The following PLCB4 variants were observed in gnomAD, a reference collection of about 807,000 sequenced individuals.
PLCB4 encodes the protein 1-phosphatidylinositol 4,5-bisphosphate phosphodiesterase beta-4.
In PLCB4, 77 loss-of-function variants were observed where a neutral mutation model predicts 178.8. That is an observed-to-expected ratio of 0.43 (90% CI 0.36 to 0.52). The LOEUF is 0.52. Among genes scored for constraint, PLCB4 ranks in the 20% least tolerant of loss-of-function variants. The probability of loss-of-function intolerance (pLI) is 0.00; values close to 1 mark genes in which losing one functional copy is unlikely to be tolerated. For synonymous variants in PLCB4, 496 were observed against 490.8 expected, an observed-to-expected ratio of 1.01 and a Z score of -0.14; for missense variants, 1,024 against 1,453.4, an observed-to-expected ratio of 0.70 and a Z score of 4.80.
At chr20:9,463,937 C>CATCT (rs1381951952) in intron 35 of PLCB4, among the ~76,000 whole-genome samples, 1 of 152,170 alleles carries the variant, frequency 6.6e-6, no homozygotes, top group Non-Finnish European at 1.5e-5. Flanking sequence ...ACCTAATAGA[C>CATCT]ATCTACAGGA....
At chr20:9,124,877 A>G (rs2092070224) in intron 2 of PLCB4, among the ~76,000 whole-genome samples, 1 of 152,188 alleles carries the variant, frequency 6.6e-6, no homozygotes, top group South Asian at 2.1e-4. Context: ...GTAATTGACA[A>G]TTGTTTTTAT....
chr20:9,289,029 A>T (rs546676669), intron 3 of PLCB4, among the ~76,000 whole-genome samples: 1 of 152,094 alleles, frequency 6.6e-6, no homozygotes. Flanking sequence ...TAATTTAGTG[A>T]CAGTAGATAT....
At chr20:9,392,355 C>T (rs1245653896) in intron 17 of PLCB4, among the ~76,000 whole-genome samples, 4 of 152,160 alleles carry the variant, frequency 2.6e-5, no homozygotes. Flanking sequence ...GGTTTAAATA[C>T]CCTCTAGAGG....
intron 33 of PLCB4, among the ~76,000 whole-genome samples, chr20:9,455,790 T>G (rs2043020576): frequency 6.6e-6 from 1 of 152,236 alleles, no homozygotes; most frequent in Admixed American, 6.5e-5. Flanking sequence ...GATACTTTCT[T>G]CTGGAAAGCC....
intron 9 of PLCB4, among the ~76,000 whole-genome samples, chr20:9,369,854 G>T (rs148354809): frequency 1.3e-5 from 2 of 152,322 alleles, no homozygotes; most frequent in Non-Finnish European, 2.9e-5. Context: ...ATGAGATGCT[G>T]TTAAAAATCC....
intron 2 of PLCB4, among the ~76,000 whole-genome samples, chr20:9,109,201 G>A (rs920069689): frequency 6.6e-6 from 1 of 152,128 alleles, no homozygotes; most frequent in Admixed American, 6.6e-5. Flanking sequence ...TTATAAAATG[G>A]TGTGGCTATA....
intron 37 of PLCB4, 103 bp downstream of exon 37, chr20:9,472,950 C>A (rs1736322300): frequency 3.0e-6 from 2 of 672,072 alleles, no homozygotes; most frequent in South Asian, 2.0e-5. Context: ...TTTGATTTTT[C>A]TGTACATTAA....
At chr20:9,114,290 C>T (rs2091703905) in intron 2 of PLCB4, among the ~76,000 whole-genome samples, 1 of 151,996 alleles carries the variant, frequency 6.6e-6, no homozygotes, top group South Asian at 2.1e-4. Context: ...TAGGACTGTG[C>T]TTAATAAGGT....
chr20:9,195,133 T>C (rs1038509134), intron 2 of PLCB4, among the ~76,000 whole-genome samples: 1 of 152,202 alleles, frequency 6.6e-6, no homozygotes, highest in African/African-American at 2.4e-5. Context: ...AATGAAAAAC[T>C]GCAGTTTGCA....
In PLCB4 at chr20:9,421,465, G is replaced by A. The variant is rs6118605; in HGVS notation, c.2319+4G>A. On this transcript the variant is annotated splice_donor_region_variant and intron_variant, in intron 27 of 39. Transcript: ENST00000378473. ...AGAGTCATTTGTATTTCGGAAGGTA[G>A]GACATTTTCAGCACGTCAAACTTAC... 1 of 1,610,730 alleles carries A rather than the reference G, an allele frequency of 6.2e-7. No homozygotes were observed. The highest frequency in any genetic ancestry group is 8.5e-7 in the Non-Finnish European group (1 of 1,177,682).
chr20:9,436,469 A>C (rs2041777434), intron 29 of PLCB4, among the ~76,000 whole-genome samples: 1 of 152,164 alleles, frequency 6.6e-6, no homozygotes, highest in Admixed American at 6.5e-5. Context: ...CTTCCACCTC[A>C]GCCTCCTCAG....
intron 2 of PLCB4, among the ~76,000 whole-genome samples, chr20:9,109,935 G>C (rs537842521): frequency 7.9e-4 from 120 of 152,210 alleles, no homozygotes; most frequent in African/African-American, 2.9e-3. Context: ...TCAGTATTGG[G>C]AGTCAAGGGT....
chr20:9,341,065 C>T (rs73095751), intron 7 of PLCB4, among the ~76,000 whole-genome samples: 10,116 of 152,180 alleles, frequency 0.066, 358 homozygotes, highest in Middle Eastern at 0.096. Flanking sequence ...AAAACCAGGT[C>T]TTCTCATGCC....
At position 9,401,440 on chromosome 20, in the gene PLCB4, T is replaced by A. The variant is rs114750912; in HGVS notation, c.1511-50T>A. 4,937 of 1,230,662 alleles carry A rather than the reference T, an allele frequency of 4.0e-3. 161 individuals carry two copies. The African/African-American group carries it at 0.063, about 16-fold the overall frequency. The allele number at this position is 1,230,662 out of a possible 1,614,324, so 76.2% of individuals were successfully genotyped here. A position where few individuals can be genotyped will look rare whatever the true frequency, so the allele number is the denominator to read the frequency against. ...CCCAAGATTGTGAACAAGGTCTGAC[T>A]ACTTGGCAGTGGTTTGGTGTCATGG... On this transcript the variant is annotated intron_variant, in intron 19 of 39. Transcript: ENST00000378473.
chr20:9,475,441 G>A (rs2044478703), intron 38 of PLCB4, among the ~76,000 whole-genome samples: 1 of 152,114 alleles, frequency 6.6e-6, no homozygotes, highest in South Asian at 2.1e-4. Flanking sequence ...GATTGTATTG[G>A]GAGGGTGCTG....
chr20:9,156,819 G>GCATCCCTCCCTCCCTCCCTC (rs1555848809), intron 2 of PLCB4, among the ~76,000 whole-genome samples: 1 of 31,264 alleles, frequency 3.2e-5, no homozygotes, highest in Non-Finnish European at 5.3e-5. Context: ...TTACAGGGTT[G>GCATCCCTCCCTCCCTCCCTC]CCTCCCTCCC....
chr20:9,163,440 T>C (rs759559479), intron 2 of PLCB4, among the ~76,000 whole-genome samples: 4 of 152,142 alleles, frequency 2.6e-5, no homozygotes, highest in African/African-American at 7.2e-5. Flanking sequence ...AAATCCCTAA[T>C]TGGGAACAGA....
At position 9,468,690 on chromosome 20, in the gene PLCB4, C is replaced by T. The variant is rs189305947; in HGVS notation, c.3350+18C>T. On this transcript the variant is annotated intron_variant, in intron 36 of 39. Transcript: ENST00000378473. ...CGGGAAAGGTAAGTCTGAGAGTGTTCACTGCAGGAATATGGCATTGACTTG... is the reference window on the plus strand; with the variant it reads ...CGGGAAAGGTAAGTCTGAGAGTGTTTACTGCAGGAATATGGCATTGACTTG... 4 of 1,375,244 alleles carry T rather than the reference C, an allele frequency of 2.9e-6. No individual in the cohort carries two copies. The highest frequency in any genetic ancestry group is 1.7e-5 in the Admixed American group (1 of 59,648). 85.2% of individuals were successfully genotyped at this position (1,375,244 alleles called of 1,614,324 possible).
chr20:9,132,375 A>C (rs192928190), intron 2 of PLCB4, among the ~76,000 whole-genome samples: 1 of 152,048 alleles, frequency 6.6e-6, no homozygotes, highest in South Asian at 2.1e-4. Context: ...TTTTATTTCC[A>C]CATAGTTATA....
Sources: gnomAD v4.1 joint callset for allele counts (sites outside exome capture counted in the v4.1 genomes callset) on GRCh38, gnomAD v4.1.1 for gene constraint, MANE v1.5 for transcripts, NCBI Gene and HGNC (gene_info 2026-07-23, HGNC 2026-07-21) for gene names.